The following PBX3 variants were observed in gnomAD, a reference collection of about 807,000 sequenced individuals.
The protein encoded by PBX3 is pre-B-cell leukemia transcription factor 3.
PBX3 carries 14 observed loss-of-function variants against 48.5 expected under a neutral mutation model. The ratio of observed to expected loss-of-function variants is 0.29; its 90% CI spans 0.19 to 0.45. The LOEUF is 0.45. Among genes scored for constraint, PBX3 ranks in the 20% least tolerant of loss-of-function variants. PBX3 has a pLI of 1.00. For missense variants in PBX3, 386 were observed against 546.7 expected (o/e 0.71, Z 2.93); for synonymous variants, 210 against 200.3 (o/e 1.05, Z -0.41).
chr9:125,808,355 C>A (rs1009139698), intron 2 of PBX3, among the ~76,000 whole-genome samples: 1 of 152,062 alleles, frequency 6.6e-6, no homozygotes, highest in Non-Finnish European at 1.5e-5. Flanking sequence ...AGTTGATTCT[C>A]ATTATTTATA....
At chr9:125,954,977 A>G (rs1588337478) in intron 5 of PBX3, among the ~76,000 whole-genome samples, 1 of 152,226 alleles carries the variant, frequency 6.6e-6, no homozygotes, top group South Asian at 2.1e-4. Flanking sequence ...GTTTACAACT[A>G]TGTAGACTTA....
intron 5 of PBX3, among the ~76,000 whole-genome samples, chr9:125,960,327 T>C (rs920692388): frequency 2.6e-5 from 4 of 152,250 alleles, no homozygotes; most frequent in African/African-American, 9.6e-5. Flanking sequence ...TATTTCTTAT[T>C]ATTTACCTAA....
chr9:125,904,681 TA>T (rs1410571295), intron 2 of PBX3, among the ~76,000 whole-genome samples: 1 of 151,848 alleles, frequency 6.6e-6, no homozygotes, highest in Non-Finnish European at 1.5e-5. Context: ...AGAGGAATAT[TA>T]GGGGCAGAGA....
At chr9:125,884,678 T>A (rs1434554927) in intron 2 of PBX3, among the ~76,000 whole-genome samples, 1 of 152,170 alleles carries the variant, frequency 6.6e-6, no homozygotes, top group East Asian at 1.9e-4. Context: ...TTTAAATCAT[T>A]CACACTAAAT....
At chr9:125,784,477 TGTG>T (rs1424120383) in intron 2 of PBX3, among the ~76,000 whole-genome samples, 1 of 152,196 alleles carries the variant, frequency 6.6e-6, no homozygotes, top group African/African-American at 2.4e-5. Context: ...GATATTTTAA[TGTG>T]GTGGTAACTC....
In PBX3 at chr9:125,966,579, C is replaced by T. The variant is rs1238431084; in HGVS notation, c.*656C>T. On this transcript the variant is annotated 3_prime_UTR_variant, in exon 9 of 9. Coordinates refer to ENST00000373489, the MANE Select transcript of PBX3 (RefSeq NM_006195.6). ...CAGATTGTTCTGAGAGACGAAGATA[C>T]TTGCTGCTGATAGAGGTGAAAACGA... 6.5e-6 allele frequency: 1 copy of T among 152,674 alleles called. No individual in the cohort carries two copies. 9.5% of individuals were successfully genotyped at this position (152,674 alleles called of 1,614,324 possible).
At chr9:125,848,380 G>C (rs1343384270) in intron 2 of PBX3, among the ~76,000 whole-genome samples, 1 of 151,898 alleles carries the variant, frequency 6.6e-6, no homozygotes, top group East Asian at 1.9e-4. Flanking sequence ...TATTTTGAAA[G>C]TTGATCACAT....
chr9:125,897,056 CTT>C (rs1323556933), intron 2 of PBX3, among the ~76,000 whole-genome samples: 1 of 149,600 alleles, frequency 6.7e-6, no homozygotes, highest in Non-Finnish European at 1.5e-5. Context: ...ATGCTATTGA[CTT>C]TTGGAAATAA....
At chr9:125,876,596 A>T (rs1036482890) in intron 2 of PBX3, among the ~76,000 whole-genome samples, 3 of 152,186 alleles carry the variant, frequency 2.0e-5, no homozygotes, top group African/African-American at 7.2e-5. Context: ...AACATCCAAA[A>T]TAGGTGTTAA....
intron 2 of PBX3, among the ~76,000 whole-genome samples, chr9:125,765,951 A>G (rs1836791989): frequency 6.6e-6 from 1 of 152,150 alleles, no homozygotes; most frequent in Non-Finnish European, 1.5e-5. Flanking sequence ...TAAATTTGAT[A>G]TTTTCTGAGT....
chr9:125,846,300 C>A (rs1839424941), intron 2 of PBX3, among the ~76,000 whole-genome samples: 1 of 151,858 alleles, frequency 6.6e-6, no homozygotes, highest in Non-Finnish European at 1.5e-5. Flanking sequence ...TCAGACATTG[C>A]CAAAATATGG....
chr9:125,877,584 C>T (rs114535950), intron 2 of PBX3, among the ~76,000 whole-genome samples: 6 of 152,034 alleles, frequency 3.9e-5, no homozygotes, highest in Non-Finnish European at 8.8e-5. Context: ...TTTTTTATAC[C>T]GCTATATAAT....
intron 2 of PBX3, among the ~76,000 whole-genome samples, chr9:125,866,620 G>A (rs1839987949): frequency 6.6e-6 from 1 of 152,170 alleles, no homozygotes; most frequent in Non-Finnish European, 1.5e-5. Flanking sequence ...AGGACCAGAG[G>A]CCTCTGTATG....
intron 2 of PBX3, among the ~76,000 whole-genome samples, chr9:125,808,001 GTAGA>G (rs1015773259): frequency 2.0e-5 from 3 of 152,148 alleles, no homozygotes; most frequent in Admixed American, 6.5e-5. Context: ...CACTTTTCAT[GTAGA>G]TAGATAGATA....
At chr9:125,949,233 A>T in intron 5 of PBX3, 1 of 1,047,222 alleles carries the variant, frequency 9.5e-7, no homozygotes, top group Non-Finnish European at 1.4e-6. Flanking sequence ...CTATAAAATG[A>T]GAATAATGAT....
At chr9:125,867,750 CTCTA>C (rs762157817) in intron 2 of PBX3, among the ~76,000 whole-genome samples, 5,358 of 151,372 alleles carry the variant, frequency 0.035, 329 homozygotes, top group African/African-American at 0.12. Flanking sequence ...CTCTCTCTCT[CTCTA>C]TATATATATA....
chr9:125,821,120 T>G (rs755680497), intron 2 of PBX3, among the ~76,000 whole-genome samples: 39 of 152,136 alleles, frequency 2.6e-4, no homozygotes, highest in Non-Finnish European at 5.3e-4. Flanking sequence ...CCTGAAGAGG[T>G]AAAATCACTG....
intron 2 of PBX3, chr9:125,843,890 G>A (rs928443489): frequency 4.4e-6 from 2 of 454,582 alleles, no homozygotes; most frequent in African/African-American, 4.0e-5. Flanking sequence ...GCAATTGCCA[G>A]GGGTTAATGT....
intron 2 of PBX3, among the ~76,000 whole-genome samples, chr9:125,892,679 CTG>C (rs1034836589): frequency 6.6e-6 from 1 of 152,220 alleles, no homozygotes; most frequent in Non-Finnish European, 1.5e-5. Flanking sequence ...CATCCCCAAT[CTG>C]TGTTATTCCT....
Sources: gnomAD v4.1 joint callset for allele counts (sites outside exome capture counted in the v4.1 genomes callset) on GRCh38, gnomAD v4.1.1 for gene constraint, MANE v1.5 for transcripts, NCBI Gene and HGNC (gene_info 2026-07-23, HGNC 2026-07-21) for gene names.